NELL1: variants seen among roughly 807,000 people sequenced by gnomAD.
NELL1 encodes protein kinase C-binding protein NELL1.
Under a neutral mutation model 107.4 loss-of-function variants are expected in NELL1, and 76 were observed. The observed-to-expected ratio is 0.71, with a 90% confidence interval of 0.59 to 0.86. NELL1 has a LOEUF of 0.86. Ranked by LOEUF, NELL1 falls within the 40% of genes least tolerant of loss-of-function variation. The probability of loss-of-function intolerance (pLI) is 0.00; values close to 1 mark genes in which losing one functional copy is unlikely to be tolerated. For missense variants in NELL1, 1,024 were observed against 1,005.5 expected (o/e 1.02, Z -0.25); for synonymous variants, 353 against 341.2 (o/e 1.03, Z -0.38).
intron 14 of NELL1, among the ~76,000 whole-genome samples, chr11:21,273,372 G>A (rs543259104): frequency 6.6e-5 from 10 of 152,222 alleles, no homozygotes; most frequent in East Asian, 3.9e-4. Flanking sequence ...AAAAAGAAAC[G>A]AACAAAGCCT....
chr11:21,017,263 A>G (rs1852587047), intron 12 of NELL1, among the ~76,000 whole-genome samples: 1 of 152,148 alleles, frequency 6.6e-6, no homozygotes, highest in Non-Finnish European at 1.5e-5. Context: ...AGCCACAGTC[A>G]TTTCCCAAGA....
chr11:21,306,168 C>T (rs1295025059), intron 14 of NELL1, among the ~76,000 whole-genome samples: 3 of 151,916 alleles, frequency 2.0e-5, no homozygotes, highest in African/African-American at 7.2e-5. Flanking sequence ...ATTTGGATAT[C>T]ACACTCAGAA....
At chr11:21,338,355 A>C (rs989809322) in intron 14 of NELL1, among the ~76,000 whole-genome samples, 1 of 152,216 alleles carries the variant, frequency 6.6e-6, no homozygotes, top group African/African-American at 2.4e-5. Flanking sequence ...GAGAAAATAC[A>C]TATGGTTGCC....
intron 12 of NELL1, among the ~76,000 whole-genome samples, chr11:21,099,220 C>CACACACAA (rs1854736658): frequency 1.4e-5 from 2 of 142,268 alleles, no homozygotes; most frequent in South Asian, 2.3e-4. Flanking sequence ...CACACACACA[C>CACACACAA]ACACACACAC....
intron 12 of NELL1, among the ~76,000 whole-genome samples, chr11:20,974,588 T>C (rs1851566827): frequency 6.6e-6 from 1 of 152,212 alleles, no homozygotes; most frequent in African/African-American, 2.4e-5. Context: ...GTTTTTCTGA[T>C]ACACCAACTC....
intron 14 of NELL1, among the ~76,000 whole-genome samples, chr11:21,308,545 G>A (rs76891472): frequency 0.016 from 2,436 of 152,102 alleles, 73 homozygotes; most frequent in African/African-American, 0.056. Context: ...CTTTTATCAT[G>A]GAGCTTATGG....
chr11:21,381,047 C>A (rs565211951), intron 15 of NELL1, among the ~76,000 whole-genome samples: 1 of 152,118 alleles, frequency 6.6e-6, no homozygotes, highest in East Asian at 1.9e-4. Context: ...TTCAGCCAGT[C>A]AGTAGTCAAG....
intron 12 of NELL1, among the ~76,000 whole-genome samples, chr11:21,007,084 G>GGCCT (rs1246036154): frequency 6.6e-6 from 1 of 151,972 alleles, no homozygotes; most frequent in African/African-American, 2.4e-5. Context: ...CACAAGAATA[G>GGCCT]GCCTGTTCTC....
intron 5 of NELL1, among the ~76,000 whole-genome samples, chr11:20,912,912 G>T (rs1850163778): frequency 6.6e-6 from 1 of 152,162 alleles, no homozygotes; most frequent in Non-Finnish European, 1.5e-5. Context: ...CAGAACTGGG[G>T]AATCTTACAC....
chr11:21,001,488 C>A (rs1852219919), intron 12 of NELL1, among the ~76,000 whole-genome samples: 1 of 151,840 alleles, frequency 6.6e-6, no homozygotes, highest in African/African-American at 2.4e-5. Context: ...CCCTGGGCAG[C>A]AGGCTAAGGG....
At chr11:21,070,683 AT>A (rs1408938819) in intron 12 of NELL1, among the ~76,000 whole-genome samples, 1 of 152,154 alleles carries the variant, frequency 6.6e-6, no homozygotes, top group Non-Finnish European at 1.5e-5. Context: ...AGCCGAGCAT[AT>A]ACCATTCAGC....
At chr11:20,833,961 T>C (rs1848482397) in intron 3 of NELL1, among the ~76,000 whole-genome samples, 1 of 152,246 alleles carries the variant, frequency 6.6e-6, no homozygotes, top group Admixed American at 6.5e-5. Flanking sequence ...CTAAGACTTC[T>C]AGGCTTGAGC....
At chr11:21,014,747 T>C (rs1852526566) in intron 12 of NELL1, among the ~76,000 whole-genome samples, 2 of 152,088 alleles carry the variant, frequency 1.3e-5, no homozygotes, top group South Asian at 4.1e-4. Flanking sequence ...ACGAAGAATA[T>C]TGGATGGGGA....
intron 15 of NELL1, among the ~76,000 whole-genome samples, chr11:21,461,129 A>C (rs1428050501): frequency 1.3e-5 from 2 of 152,208 alleles, no homozygotes; most frequent in East Asian, 3.9e-4. Context: ...TCCATAATTG[A>C]TAACAATCAC....
At chr11:20,860,633 C>G (rs879874466) in intron 4 of NELL1, among the ~76,000 whole-genome samples, 5 of 152,174 alleles carry the variant, frequency 3.3e-5, no homozygotes, top group African/African-American at 7.2e-5. Context: ...AAGGTGAAGA[C>G]GAAGTAATCC....
At chr11:21,359,670 C>T (rs566202754) in intron 14 of NELL1, among the ~76,000 whole-genome samples, 2 of 152,178 alleles carry the variant, frequency 1.3e-5, no homozygotes, top group African/African-American at 2.4e-5. Flanking sequence ...CTGTTTCAAT[C>T]TCACTAATTG....
chr11:20,995,998 C>T (rs1852083290), intron 12 of NELL1, among the ~76,000 whole-genome samples: 1 of 152,164 alleles, frequency 6.6e-6, no homozygotes, highest in Non-Finnish European at 1.5e-5. Context: ...GCTCATTCTA[C>T]AGGGGTTTAT....
At chr11:21,511,698 C>T (rs960447151) in intron 15 of NELL1, among the ~76,000 whole-genome samples, 2 of 152,078 alleles carry the variant, frequency 1.3e-5, no homozygotes, top group Non-Finnish European at 2.9e-5. Context: ...AAGAACACAA[C>T]ACAGGTAGAT....
chr11:21,391,603 A>G (rs1299808107), intron 15 of NELL1, among the ~76,000 whole-genome samples: 2 of 151,464 alleles, frequency 1.3e-5, no homozygotes, highest in Non-Finnish European at 3.0e-5. Context: ...TTATCTTCCA[A>G]ATTAATTGAG....
Sources: allele counts gnomAD v4.1 joint callset (sites outside exome capture counted in the v4.1 genomes callset), GRCh38; gene constraint gnomAD v4.1.1; transcripts MANE v1.5; gene names NCBI Gene and HGNC (gene_info 2026-07-23, HGNC 2026-07-21).